Variants in GSTA3 observed in about 807,000 individuals in gnomAD.
The protein encoded by GSTA3 is glutathione S-transferase alpha 3.
A neutral mutation model predicts 23.1 loss-of-function variants in GSTA3; 16 were observed. The ratio of observed to expected loss-of-function variants is 0.69; its 90% CI spans 0.47 to 1.05. GSTA3 has a LOEUF of 1.05. Among genes scored for constraint, GSTA3 ranks in the 50% least tolerant of loss-of-function variants. The pLI is 0.00. For synonymous variants in GSTA3, 122 were observed against 91.0 expected (o/e 1.34, Z -1.94); for missense variants, 319 against 263.6 (o/e 1.21, Z -1.46).
Position 52,896,663 on chromosome 6 carries a change from G to C in GSTA3, c.*143C>G. ...ATTTTAACTAAGTTAGCAAATAGGA[G>C]TTTTTATTATTTAATTAGCATATAA... On this transcript the variant is annotated 3_prime_UTR_variant, in exon 7 of 7. Transcript: ENST00000211122. 1 of 927,134 alleles carries C rather than the reference G, an allele frequency of 1.1e-6. No homozygotes were observed. Among genetic ancestry groups the C allele is most frequent in the Non-Finnish European group, 1.6e-6 (1 of 639,452 alleles). 57.4% of individuals were successfully genotyped at this position (927,134 alleles called of 1,614,324 possible).
intron 5 of GSTA3, 54 bp from the exon 6 acceptor site, chr6:52,898,010 C>T (rs555211067): frequency 3.4e-5 from 55 of 1,598,802 alleles, no homozygotes; most frequent in Non-Finnish European, 4.6e-5. Context: ...GGATGGGACC[C>T]CTGCTTCTCC....
At chr6:52,897,776 A>T in intron 6 of GSTA3, 49 bp downstream of exon 6, 1 of 1,608,758 alleles carries the variant, frequency 6.2e-7, no homozygotes. Flanking sequence ...ACTAGATCCC[A>T]AGATGGGACA....
intron 3 of GSTA3, among the ~76,000 whole-genome samples, chr6:52,902,942 T>C (rs916370072): frequency 3.3e-5 from 5 of 152,154 alleles, no homozygotes; most frequent in African/African-American, 9.7e-5. Flanking sequence ...CAATATGACC[T>C]TATCACATGA....
rs149910347 is a variant in GSTA3, at chr6:52,896,870, C to G, written c.605G>C (p.Ser202Thr). The part of the protein sequence containing the change: ...PTVKKFLQPG[S>T]PRKPPADAKA... ...TGCATCTGCGGGAGGCTTCCTTGGGCTGCCAGGCTGTAGAAACTTCTTCAC... is the reference window on the plus strand; with the variant it reads ...TGCATCTGCGGGAGGCTTCCTTGGGGTGCCAGGCTGTAGAAACTTCTTCAC... Residue 202 changes from serine (S) to threonine (T), a missense_variant, in exon 7 of 7, where the codon AGC (serine) becomes ACC (threonine). By Grantham distance (58) the Ser-to-Thr change is moderately conservative (BLOSUM62 1). Coordinates refer to ENST00000211122, the MANE Select transcript of GSTA3 (RefSeq NM_000847.5). 1.5e-3 allele frequency: 2,496 copies of G among 1,614,050 alleles called. 38 individuals carry two copies. The South Asian group carries it at 0.019, about 12-fold the overall frequency.
intron 5 of GSTA3, among the ~76,000 whole-genome samples, chr6:52,898,524 G>T (rs980977445): frequency 6.6e-6 from 1 of 152,056 alleles, no homozygotes; most frequent in African/African-American, 2.4e-5. Flanking sequence ...TCTATATTGG[G>T]GTCTAGTAAA....
chr6:52,908,450 G>A (rs2127365741), intron 1 of GSTA3, among the ~76,000 whole-genome samples: 1 of 152,280 alleles, frequency 6.6e-6, no homozygotes, highest in South Asian at 2.1e-4. Context: ...AAGATGTTAA[G>A]GCTGCAGTGA....
intron 1 of GSTA3, among the ~76,000 whole-genome samples, chr6:52,908,157 T>C (rs1469849199): frequency 2.4e-5 from 1 of 41,874 alleles, no homozygotes; most frequent in South Asian, 5.3e-4. Flanking sequence ...AAGAGCAATC[T>C]TTTTTTTTTT....
chr6:52,901,623 T>C (rs543110880), intron 4 of GSTA3, among the ~76,000 whole-genome samples: 2 of 152,366 alleles, frequency 1.3e-5, no homozygotes, highest in East Asian at 1.9e-4. Flanking sequence ...TGGAAGTATT[T>C]TGATTCTTTT....
At position 52,899,953 on chromosome 6, in the gene GSTA3, T is replaced by A; in HGVS notation, c.395A>T (p.Tyr132Phe). Residue 132 changes from tyrosine to phenylalanine, a missense_variant, in exon 5 of 7, where the codon TAT (tyrosine) becomes TTT (phenylalanine). Coordinates refer to ENST00000211122, the MANE Select transcript of GSTA3 (RefSeq NM_000847.5). ...ALIKEKTKSRYFPAFEKVLQS... is the reference protein window; with the variant it reads ...ALIKEKTKSRFFPAFEKVLQS... ...ACCTACTTTTTCGAAGGCAGGGAAATAGCGACTTTTTGTTTTCTCTTTGAT... is the reference window on the plus strand; with the variant it reads ...ACCTACTTTTTCGAAGGCAGGGAAAAAGCGACTTTTTGTTTTCTCTTTGAT... 6.2e-7 allele frequency: 1 copy of A among 1,614,084 alleles called. No homozygotes were observed. Among genetic ancestry groups the A allele is most frequent in the Non-Finnish European group, 8.5e-7 (1 of 1,179,980 alleles).
At position 52,905,739 on chromosome 6, in the gene GSTA3, A is replaced by C; in HGVS notation, c.87+9T>G. 6.5e-7 allele frequency: 1 copy of C among 1,535,546 alleles called. No homozygotes were observed. Among genetic ancestry groups the C allele is most frequent in the Non-Finnish European group, 9.0e-7 (1 of 1,110,820 alleles). On this transcript the variant is annotated intron_variant, in intron 2 of 6. Transcript: ENST00000211122. ...GGTCCAACTTAAGATGACCTAACTT[A>C]GAACATACCTCCACTCCAGCTGCAG...
rs1257681288 is a variant in GSTA3 at position 52,896,916 on chromosome 6, T to C, written c.559A>G (p.Arg187Gly). 2 of 1,613,890 alleles carry C rather than the reference T, an allele frequency of 1.2e-6. No homozygotes were observed. Among genetic ancestry groups the C allele is most frequent in the Non-Finnish European group, 1.7e-6 (2 of 1,179,910 alleles). The part of the protein sequence containing the change: ...NFPLLKALKT[R>G]ISNLPTVKKF... ...TTCACCGTGGGCAGGTTGCTGATTC[T>C]GGTTTTCAGGGCCTGTAATTCACAA... The change falls in exon 7 of 7, where the codon AGA (arginine) becomes GGA (glycine). Residue 187 changes from arginine to glycine, a missense_variant. Coordinates refer to ENST00000211122, the MANE Select transcript of GSTA3 (RefSeq NM_000847.5).
At chr6:52,898,875 T>C (rs1014869154) in intron 5 of GSTA3, among the ~76,000 whole-genome samples, 3 of 152,200 alleles carry the variant, frequency 2.0e-5, no homozygotes, top group East Asian at 3.9e-4. Flanking sequence ...TTCCCCCTGC[T>C]GCTGTGTCGT....
chr6:52,905,902 G>T, intron 1 of GSTA3, 47 bp from the exon 2 acceptor site: 1 of 945,094 alleles, frequency 1.1e-6, no homozygotes, highest in Admixed American at 2.2e-5. Flanking sequence ...AATGAGTCTA[G>T]AGAAGCAAAA....
rs74923471 is a variant in GSTA3, at chr6:52,903,810, G to A, written c.88-83C>T. The A allele has an allele frequency of 9.1e-5, 70 of 770,062 alleles. No individual in the cohort carries two copies. The East Asian group carries it at 1.9e-3, about 20-fold the overall frequency. 47.7% of individuals were successfully genotyped at this position (770,062 alleles called of 1,614,324 possible). ...TGTGACCTTGAATGGCCTCCATCTG[G>A]TACATAATTTGGAGAACATAAGATT... On this transcript the variant is annotated intron_variant, in intron 2 of 6. Coordinates refer to ENST00000211122, the MANE Select transcript of GSTA3 (RefSeq NM_000847.5).
At chr6:52,899,844 G>A in intron 5 of GSTA3, 90 bp downstream of exon 5, 5 of 1,215,768 alleles carry the variant, frequency 4.1e-6, no homozygotes, top group Non-Finnish European at 6.0e-6. Flanking sequence ...CTCACTGAAA[G>A]TGAAGGTCAG....
chr6:52,899,334 G>A (rs1307045775), intron 5 of GSTA3, among the ~76,000 whole-genome samples: 1 of 152,122 alleles, frequency 6.6e-6, no homozygotes, highest in African/African-American at 2.4e-5. Context: ...CATCTTTCTT[G>A]CAATATCGGC....
chr6:52,898,008 C>T (rs1476205439), intron 5 of GSTA3, 52 bp from the exon 6 acceptor site: 4 of 1,605,062 alleles, frequency 2.5e-6, no homozygotes, highest in Non-Finnish European at 3.4e-6. Flanking sequence ...CAGGATGGGA[C>T]CCCTGCTTCT....
At chr6:52,900,862 A>AT (rs45502403) in intron 4 of GSTA3, among the ~76,000 whole-genome samples, 10,462 of 152,122 alleles carry the variant, frequency 0.069, 698 homozygotes, top group African/African-American at 0.18. Flanking sequence ...CTGTCTCATC[A>AT]TTTACATCTC....
chr6:52,907,788 C>A (rs1166088771), intron 1 of GSTA3, among the ~76,000 whole-genome samples: 4 of 130,740 alleles, frequency 3.1e-5, no homozygotes, highest in Non-Finnish European at 3.1e-5. Flanking sequence ...AACACTTGGA[C>A]ACAGGAAGGG....
Sources: gnomAD v4.1 joint callset for allele counts (sites outside exome capture counted in the v4.1 genomes callset) on GRCh38, gnomAD v4.1.1 for gene constraint, MANE v1.5 for transcripts, NCBI Gene and HGNC (gene_info 2026-07-23, HGNC 2026-07-21) for gene names.